CEP120: variants seen among roughly 807,000 people sequenced by gnomAD.
CEP120 encodes centrosomal protein 120.
Under a neutral mutation model 126.5 loss-of-function variants are expected in CEP120, and 113 were observed. The observed-to-expected ratio is 0.89, with a 90% CI of 0.77 to 1.04. CEP120 has a LOEUF of 1.04. Among genes scored for constraint, CEP120 ranks in the 50% least tolerant of loss-of-function variants. CEP120 has a pLI of 0.00. For missense variants in CEP120, 1,230 were observed against 1,155.7 expected (o/e 1.06, Z -0.93); for synonymous variants, 400 against 394.3 (o/e 1.01, Z -0.17).
At chr5:123,400,583 T>C (rs894955067) in intron 4 of CEP120, among the ~76,000 whole-genome samples, 1 of 149,310 alleles carries the variant, frequency 6.7e-6, no homozygotes, top group Non-Finnish European at 1.5e-5. Context: ...TACATATATA[T>C]AGAGCAGCAT....
chr5:123,405,267 T>G (rs1000319811), intron 4 of CEP120, among the ~76,000 whole-genome samples: 1 of 4,892 alleles, frequency 2.0e-4, no homozygotes, highest in African/African-American at 9.5e-4. Flanking sequence ...GCCTGAGAGA[T>G]AAAAACTCCA....
At position 123,378,447 on chromosome 5, in the gene CEP120, A is replaced by T; in HGVS notation, c.2104-19T>A. On this transcript the variant is annotated intron_variant, in intron 14 of 19. Coordinates refer to ENST00000306467, the MANE Select transcript of CEP120 (RefSeq NM_001375405.1). ...CAGCCACCTAAAATATAGTAAAAAA[A>T]AAAAAAAAAAAGTTACCTACCTTCT... 1 of 1,142,168 alleles carries T rather than the reference A, an allele frequency of 8.8e-7. No individual in the cohort carries two copies. Among genetic ancestry groups the T allele is most frequent in the Middle Eastern group, 2.3e-4 (1 of 4,420 alleles). 70.8% of individuals were successfully genotyped at this position (1,142,168 alleles called of 1,614,324 possible).
At chr5:123,403,274 C>T (rs1773394329) in intron 4 of CEP120, 1 of 455,880 alleles carries the variant, frequency 2.2e-6, no homozygotes, top group Non-Finnish European at 4.4e-6. Flanking sequence ...AGCAGGGCTC[C>T]TTAGAGAAAT....
intron 4 of CEP120, among the ~76,000 whole-genome samples, chr5:123,411,206 C>G (rs547829970): frequency 4.3e-4 from 66 of 152,260 alleles, no homozygotes; most frequent in African/African-American, 1.5e-3. Flanking sequence ...TATGGAGCAA[C>G]AGAAATTCTC....
chr5:123,411,389 C>A lies in CEP120; in HGVS notation c.463+1010G>T, dbSNP rs149438937. 2.5e-3 allele frequency among the ~76,000 whole-genome samples: 384 copies of A among 152,290 alleles called. 2 individuals carry two copies. The highest frequency in any genetic ancestry group is 8.8e-3 in the African/African-American group (365 of 41,562). ...ATAAGAACCTGCACACAGATGTTTA[C>A]AGCAGTTTACAGTACCTTTATTTAT... On this transcript the variant is annotated intron_variant, in intron 4 of 19. Transcript: ENST00000306467.
chr5:123,386,671 GAATTT>G lies in CEP120; in HGVS notation c.1431-9_1431-5del, dbSNP rs1562047755. 6.5e-5 allele frequency: 21 copies of G among 325,518 alleles called. 1 individual carries two copies. The African/African-American group carries it at 1.1e-3, about 18-fold the overall frequency. 20.2% of individuals were successfully genotyped at this position (325,518 alleles called of 1,614,324 possible). A position where few individuals can be genotyped will look rare whatever the true frequency, so the allele number is the denominator to read the frequency against. ...TCCAAAGAATGGATATGAGTACCTA[GAATTT>G]AAAAAAAAAAAAAAAAAAAAAAGCC... On this transcript the variant is annotated splice_polypyrimidine_tract_variant and splice_region_variant and intron_variant, in intron 9 of 19. Coordinates refer to ENST00000306467, the MANE Select transcript of CEP120 (RefSeq NM_001375405.1).
intron 6 of CEP120, among the ~76,000 whole-genome samples, chr5:123,392,076 A>C (rs1772442426): frequency 6.6e-6 from 1 of 152,176 alleles, no homozygotes; most frequent in Non-Finnish European, 1.5e-5. Context: ...TCATGCTGTA[A>C]AATATATTTA....
chr5:123,363,453 T>C (rs1770236499), intron 18 of CEP120, among the ~76,000 whole-genome samples: 1 of 151,674 alleles, frequency 6.6e-6, no homozygotes, highest in African/African-American at 2.4e-5. Context: ...ATACTTATTG[T>C]ACATGTAAGA....
rs759878384 is a variant in CEP120 at position 123,378,439 on chromosome 5, G to GT, written c.2104-12dup. On this transcript the variant is annotated splice_polypyrimidine_tract_variant and intron_variant, in intron 14 of 19. Transcript: ENST00000306467. ...AGTATATTCAGCCACCTAAAATATA[G>GT]TAAAAAAAAAAAAAAAAAAGTTACC... 62 of 872,686 alleles carry GT rather than the reference G, an allele frequency of 7.1e-5. No homozygotes were observed. In the African/African-American group the frequency reaches 1.3e-3, roughly 19 times the overall value. 54.1% of individuals were successfully genotyped at this position (872,686 alleles called of 1,614,324 possible).
chr5:123,409,989 A>AC (rs1217514404), intron 4 of CEP120, among the ~76,000 whole-genome samples: 35 of 98,424 alleles, frequency 3.6e-4, no homozygotes, highest in Non-Finnish European at 5.6e-4. Flanking sequence ...AAAAAAAAAA[A>AC]AACCACACAC....
chr5:123,395,129 A>C (rs1197705044), intron 5 of CEP120, among the ~76,000 whole-genome samples: 1 of 152,252 alleles, frequency 6.6e-6, no homozygotes, highest in Non-Finnish European at 1.5e-5. Flanking sequence ...TAAGAAATAA[A>C]GATCCTTATA....
intron 3 of CEP120, 51 bp from the exon 4 acceptor site, chr5:123,412,591 C>G (rs1562093032): frequency 1.5e-6 from 2 of 1,361,368 alleles, no homozygotes; most frequent in South Asian, 3.0e-5. Context: ...AGGGAAAAAA[C>G]ATATTGGGAA....
In CEP120 at chr5:123,345,846, C is replaced by G. The variant is rs2126955767; in HGVS notation, c.*673G>C. 3 of 152,006 alleles carry G rather than the reference C, an allele frequency of 2.0e-5. No homozygotes were observed. Among genetic ancestry groups the G allele is most frequent in the Admixed American group, 2.0e-4 (3 of 15,260 alleles). The allele number at this position is 152,006 out of a possible 1,614,324, so 9.4% of individuals were successfully genotyped here. On this transcript the variant is annotated 3_prime_UTR_variant, in exon 20 of 20. Coordinates refer to ENST00000306467, the MANE Select transcript of CEP120 (RefSeq NM_001375405.1). ...AACAATGCAAACTTGAGGAAGAAAC[C>G]AACAGAGAAAACTATATTAAGCTAA...
chr5:123,358,802 G>C (rs543406019), intron 18 of CEP120, among the ~76,000 whole-genome samples: 4 of 152,030 alleles, frequency 2.6e-5, no homozygotes, highest in Admixed American at 1.3e-4. Flanking sequence ...TTTTGCCTTG[G>C]CTGCCTATAA....
In CEP120 at chr5:123,382,926, C is replaced by A. The variant is rs1771754401; in HGVS notation, c.1861-37G>T. ...ACCAAAAAGTACATTTAAACACTCA[C>A]ACACATATGCACATTAGATTCCTTT... is the stretch of plus-strand genomic sequence containing the variant. On this transcript the variant is annotated intron_variant, in intron 12 of 19. Transcript: ENST00000306467. 6 of 1,606,244 alleles carry A rather than the reference C, an allele frequency of 3.7e-6. No individual in the cohort carries two copies. The Admixed American group carries it at 8.5e-5, about 23-fold the overall frequency.
intron 18 of CEP120, among the ~76,000 whole-genome samples, chr5:123,359,446 T>A (rs1390102141): frequency 6.6e-6 from 1 of 152,106 alleles, no homozygotes; most frequent in Non-Finnish European, 1.5e-5. Context: ...TATGCAAATA[T>A]GTTGTTTAGA....
rs746458881 is a variant in CEP120 at position 123,391,158 on chromosome 5, T to TGGGGCTAGCTCCACAGGAATA, written c.969_989dup (p.Ile324_Pro330dup). On this transcript the variant is annotated inframe_insertion, in exon 7 of 20. Coordinates refer to ENST00000306467, the MANE Select transcript of CEP120 (RefSeq NM_001375405.1). ...GCAGAGCCACAGACACTCCCACAGT[T>TGGGGCTAGCTCCACAGGAATA]GGGGCTAGCTCCACAGGAATAGGTG... The TGGGGCTAGCTCCACAGGAATA allele has an allele frequency of 1.2e-6, 2 of 1,614,152 alleles. No individual in the cohort carries two copies. Among genetic ancestry groups the TGGGGCTAGCTCCACAGGAATA allele is most frequent in the Middle Eastern group, 3.3e-4 (2 of 6,060 alleles).
chr5:123,393,519 A>T, intron 5 of CEP120, 22 bp from the exon 6 acceptor site: 4 of 1,589,294 alleles, frequency 2.5e-6, no homozygotes, highest in Non-Finnish European at 3.5e-6. Flanking sequence ...AGGAAAAAGA[A>T]AACAGTTATT....
At chr5:123,407,443 TTTCAGACAGAACAGAC>T (rs1290491292) in intron 4 of CEP120, among the ~76,000 whole-genome samples, 1 of 152,172 alleles carries the variant, frequency 6.6e-6, no homozygotes, top group Non-Finnish European at 1.5e-5. Flanking sequence ...GTTATATTAA[TTTCAGACAGAACAGAC>T]TTCAGACCAA....
Sources: allele counts gnomAD v4.1 joint callset (sites outside exome capture counted in the v4.1 genomes callset), GRCh38; gene constraint gnomAD v4.1.1; transcripts MANE v1.5; gene names NCBI Gene and HGNC (gene_info 2026-07-23, HGNC 2026-07-21).